ANKS1B: variants seen among roughly 807,000 people sequenced by gnomAD.
ANKS1B encodes the protein ankyrin repeat and sterile alpha motif domain containing 1B.
Under a neutral mutation model 148.3 loss-of-function variants are expected in ANKS1B, and 36 were observed. The ratio of observed to expected loss-of-function variants is 0.24; its 90% CI spans 0.19 to 0.32. The LOEUF is 0.32. Ranked by LOEUF, ANKS1B falls within the 10% of genes least tolerant of loss-of-function variation. ANKS1B has a pLI of 1.00. For missense variants in ANKS1B, 1,157 were observed against 1,542.6 expected, an observed-to-expected ratio of 0.75 and a Z score of 4.19; for synonymous variants, 542 against 560.8, an observed-to-expected ratio of 0.97 and a Z score of 0.47.
At chr12:99,417,029 T>C (rs1439927572) in intron 11 of ANKS1B, among the ~76,000 whole-genome samples, 2 of 152,188 alleles carry the variant, frequency 1.3e-5, no homozygotes, top group East Asian at 3.9e-4. Context: ...ACGTGCTCTG[T>C]GGCCGTTGCC....
At chr12:99,909,354 T>C (rs1281474061) in intron 1 of ANKS1B, among the ~76,000 whole-genome samples, 1 of 151,812 alleles carries the variant, frequency 6.6e-6, no homozygotes, top group Non-Finnish European at 1.5e-5. Flanking sequence ...GCAATAAACA[T>C]GGGAGCTCAG....
intron 8 of ANKS1B, among the ~76,000 whole-genome samples, chr12:99,753,271 A>G (rs1390065494): frequency 6.6e-6 from 1 of 152,170 alleles, no homozygotes; most frequent in Non-Finnish European, 1.5e-5. Context: ...AACAGCAAAG[A>G]TGAGAGAATG....
intron 11 of ANKS1B, among the ~76,000 whole-genome samples, chr12:99,417,847 T>G (rs986718904): frequency 2.0e-5 from 3 of 152,142 alleles, no homozygotes; most frequent in Admixed American, 1.3e-4. Flanking sequence ...AAGAAACATA[T>G]CACATACAAA....
At chr12:99,526,106 T>A (rs995993875) in intron 9 of ANKS1B, among the ~76,000 whole-genome samples, 2 of 152,132 alleles carry the variant, frequency 1.3e-5, no homozygotes, top group Non-Finnish European at 2.9e-5. Context: ...GAAAGCAAGA[T>A]AACACACCAT....
intron 2 of ANKS1B, among the ~76,000 whole-genome samples, chr12:99,817,482 A>G (rs956458099): frequency 3.4e-5 from 5 of 147,374 alleles, no homozygotes; most frequent in African/African-American, 5.0e-5. Context: ...GGGAATGCAG[A>G]TATCACTTTG....
intron 17 of ANKS1B, among the ~76,000 whole-genome samples, chr12:98,832,515 T>G (rs1401804140): frequency 1.3e-5 from 2 of 152,132 alleles, no homozygotes; most frequent in African/African-American, 2.4e-5. Context: ...TTTCCCTCCA[T>G]CCAGGATATG....
intron 12 of ANKS1B, among the ~76,000 whole-genome samples, chr12:99,375,353 AG>A (rs1298692931): frequency 1.3e-5 from 2 of 152,200 alleles, no homozygotes; most frequent in Non-Finnish European, 2.9e-5. Flanking sequence ...CATTGCTATA[AG>A]GGCATTGGTT....
chr12:99,439,707 T>C (rs540840188), intron 11 of ANKS1B, among the ~76,000 whole-genome samples: 28 of 151,726 alleles, frequency 1.8e-4, no homozygotes, highest in Non-Finnish European at 3.8e-4. Flanking sequence ...GACTATAAAA[T>C]GGAACAACTT....
chr12:99,526,983 G>A (rs2096933101), intron 9 of ANKS1B, among the ~76,000 whole-genome samples: 1 of 152,176 alleles, frequency 6.6e-6, no homozygotes, highest in Non-Finnish European at 1.5e-5. Flanking sequence ...AACATCATAT[G>A]AAGATTGGAG....
intron 15 of ANKS1B, among the ~76,000 whole-genome samples, chr12:99,142,317 T>A (rs1383302754): frequency 6.6e-6 from 1 of 152,126 alleles, no homozygotes; most frequent in Non-Finnish European, 1.5e-5. Context: ...AGTTTATTGG[T>A]TGCCATTTAT....
At chr12:98,811,397 C>A (rs904012229) in intron 19 of ANKS1B, among the ~76,000 whole-genome samples, 1 of 152,240 alleles carries the variant, frequency 6.6e-6, no homozygotes, top group South Asian at 2.1e-4. Flanking sequence ...AGTAGAAGGG[C>A]GGGCTGCTCT....
intron 14 of ANKS1B, among the ~76,000 whole-genome samples, chr12:99,179,949 A>G (rs1002250420): frequency 8.5e-5 from 13 of 152,104 alleles, no homozygotes; most frequent in Admixed American, 7.2e-4. Flanking sequence ...TTTATAATAA[A>G]CCCTAGGCTG....
chr12:99,445,673 A>C (rs1469156914), intron 10 of ANKS1B, among the ~76,000 whole-genome samples: 2 of 151,966 alleles, frequency 1.3e-5, no homozygotes, highest in Admixed American at 6.6e-5. Context: ...AAAATCTATG[A>C]ATTTTTTTTC....
chr12:99,702,846 C>G (rs921440495), intron 8 of ANKS1B, among the ~76,000 whole-genome samples: 1 of 150,678 alleles, frequency 6.6e-6, no homozygotes, highest in Admixed American at 6.7e-5. Flanking sequence ...AAATCTTCAC[C>G]TAGAACAATG....
chr12:99,816,674 C>A (rs1350006116), intron 2 of ANKS1B, among the ~76,000 whole-genome samples: 2 of 151,584 alleles, frequency 1.3e-5, no homozygotes, highest in African/African-American at 4.8e-5. Flanking sequence ...AGTTGTATCC[C>A]TGATCAAATA....
At chr12:98,792,895 C>T (rs989602316) in intron 22 of ANKS1B, among the ~76,000 whole-genome samples, 2 of 152,190 alleles carry the variant, frequency 1.3e-5, no homozygotes, top group Non-Finnish European at 1.5e-5. Context: ...CTTGGATCCA[C>T]ATCTTGGCCA....
intron 17 of ANKS1B, among the ~76,000 whole-genome samples, chr12:99,010,544 T>C (rs1430912258): frequency 6.6e-6 from 1 of 152,160 alleles, no homozygotes; most frequent in African/African-American, 2.4e-5. Flanking sequence ...CACATATTGA[T>C]GAAATAGGTA....
chr12:99,842,562 C>T (rs2085919200), intron 1 of ANKS1B, among the ~76,000 whole-genome samples: 1 of 152,122 alleles, frequency 6.6e-6, no homozygotes, highest in African/African-American at 2.4e-5. Context: ...GTCACCATGG[C>T]CTGTCTTCAG....
At chr12:98,826,502 C>T (rs903170372) in intron 19 of ANKS1B, among the ~76,000 whole-genome samples, 12 of 152,086 alleles carry the variant, frequency 7.9e-5, no homozygotes, top group African/African-American at 2.9e-4. Context: ...ATTATTGCGG[C>T]CACCAAGAAC....
Sources: gnomAD v4.1 joint callset for allele counts (sites outside exome capture counted in the v4.1 genomes callset) on GRCh38, gnomAD v4.1.1 for gene constraint, MANE v1.5 for transcripts, NCBI Gene and HGNC (gene_info 2026-07-23, HGNC 2026-07-21) for gene names.